ZNF451: variants seen among roughly 807,000 people sequenced by gnomAD.
ZNF451 encodes the protein E3 SUMO-protein ligase ZNF451.
In ZNF451, 80 loss-of-function variants were observed where a neutral mutation model predicts 107.1. The ratio of observed to expected loss-of-function variants is 0.75; its 90% CI spans 0.62 to 0.90. The LOEUF is 0.90. Among genes scored for constraint, ZNF451 ranks in the 40% least tolerant of loss-of-function variants. The pLI is 0.00. For synonymous variants in ZNF451, 362 were observed against 406.5 expected, an observed-to-expected ratio of 0.89 and a Z score of 1.32; for missense variants, 1,107 against 1,236.2, an observed-to-expected ratio of 0.90 and a Z score of 1.57.
intron 13 of ZNF451, among the ~76,000 whole-genome samples, chr6:57,157,208 G>A (rs1252698269): frequency 6.6e-6 from 1 of 152,090 alleles, no homozygotes; most frequent in Non-Finnish European, 1.5e-5. Flanking sequence ...ACCATCAGCA[G>A]GACTAAAAAG....
At chr6:57,109,415 A>G in intron 3 of ZNF451, 6 of 985,460 alleles carry the variant, frequency 6.1e-6, no homozygotes, top group Non-Finnish European at 7.2e-6. Context: ...AGCATTAGCA[A>G]GTCACTTGTT....
intron 12 of ZNF451, among the ~76,000 whole-genome samples, chr6:57,153,605 G>A (rs189954260): frequency 7.2e-5 from 11 of 151,904 alleles, no homozygotes; most frequent in African/African-American, 2.2e-4. Context: ...TAGAGACCGC[G>A]TTTCACCATG....
At chr6:57,150,921 G>A (rs771102501) in intron 11 of ZNF451, 59 bp downstream of exon 11, 2 of 1,591,056 alleles carry the variant, frequency 1.3e-6, no homozygotes, top group Admixed American at 3.5e-5. Flanking sequence ...ATATAGTTCA[G>A]TTTAAAAGGC....
At chr6:57,137,192 A>G (rs1831474074) in intron 7 of ZNF451, among the ~76,000 whole-genome samples, 1 of 152,208 alleles carries the variant, frequency 6.6e-6, no homozygotes, top group African/African-American at 2.4e-5. Context: ...GGGGGTTGTA[A>G]TTGCCTCTTT....
chr6:57,145,383 T>C (rs1360919598), intron 9 of ZNF451, among the ~76,000 whole-genome samples: 1 of 152,206 alleles, frequency 6.6e-6, no homozygotes, highest in Non-Finnish European at 1.5e-5. Context: ...ATCTGGGCTT[T>C]TAATGTCACT....
rs369633939 is a variant in ZNF451, at chr6:57,161,125, A to G, written c.3112A>G (p.Ile1038Val). The G allele has an allele frequency of 2.6e-6, 4 of 1,549,924 alleles. No homozygotes were observed. In the African/African-American group the frequency reaches 5.6e-5, roughly 22 times the overall value. ...TAACATGGGTGCCAAAAATACTTCA[A>G]TAGGAGAAGAATTTATATCCACAGA... ...DDNMGAKNTS[I>V]GEEFISTEDV... The change falls in exon 14 of 15, where the codon ATA becomes GTA. Residue 1038 changes from isoleucine to valine, a missense_variant. Around this residue, in one of 5 missense-constraint regions of ZNF451, gnomAD observed 151 missense variants for 173.3 expected, o/e 0.87. Transcript: ENST00000370706.
In ZNF451 at chr6:57,148,297, T is replaced by G; in HGVS notation, c.2212T>G (p.Tyr738Asp). The change falls in exon 10 of 15, where the codon TAT becomes GAT. Residue 738 changes from tyrosine (Y) to aspartate (D), a missense_variant. By Grantham distance (160) the Tyr-to-Asp change is radical. This residue lies in a region of ZNF451 where 608 missense variants were observed against 649.2 expected (regional missense o/e 0.94). Transcript: ENST00000370706. ...YICKVNRKED[Y>D]SRCLQIMLDK... is the part of the protein sequence containing the mutation. ...CTGTAAAGTCAACAGAAAAGAAGAT[T>G]ATAGCAGATGTCTCCAAATCATGCT... 1.2e-6 allele frequency: 2 copies of G among 1,614,006 alleles called. No homozygotes were observed. The highest frequency in any genetic ancestry group is 1.1e-5 in the South Asian group (1 of 91,062).
At chr6:57,104,707 C>T in intron 3 of ZNF451, 1 of 985,302 alleles carries the variant, frequency 1.0e-6, no homozygotes, top group Non-Finnish European at 1.2e-6. Flanking sequence ...CTCCTCCATT[C>T]TTAAATATTT....
chr6:57,155,892 TG>T (rs1335641042), intron 13 of ZNF451, among the ~76,000 whole-genome samples: 2 of 151,094 alleles, frequency 1.3e-5, no homozygotes, highest in Non-Finnish European at 2.9e-5. Flanking sequence ...GAGGCACATG[TG>T]TACTTTATTC....
chr6:57,161,351 C>T (rs1043753807), intron 14 of ZNF451, among the ~76,000 whole-genome samples, 199 bp downstream of exon 14: 2 of 152,124 alleles, frequency 1.3e-5, no homozygotes, highest in South Asian at 2.1e-4. Context: ...AATGGGTCAG[C>T]CAATTATGGC....
intron 14 of ZNF451, chr6:57,164,819 T>C (rs890971129): frequency 6.6e-6 from 1 of 152,184 alleles, no homozygotes; most frequent in Non-Finnish European, 1.5e-5. Context: ...TAAATGAAAT[T>C]AAGGCAGAAA....
intron 3 of ZNF451, chr6:57,100,494 T>G: frequency 1.6e-6 from 2 of 1,241,836 alleles, no homozygotes; most frequent in Non-Finnish European, 2.1e-6. Flanking sequence ...TATAATAATT[T>G]AAAAATTGAG....
intron 4 of ZNF451, among the ~76,000 whole-genome samples, chr6:57,126,910 T>G (rs1317177697): frequency 1.3e-5 from 2 of 152,222 alleles, no homozygotes; most frequent in African/African-American, 4.8e-5. Flanking sequence ...AAAAGATGTT[T>G]AATTTTAATT....
chr6:57,109,337 G>A (rs1830009815), intron 3 of ZNF451: 1 of 984,318 alleles, frequency 1.0e-6, no homozygotes, highest in Non-Finnish European at 1.2e-6. Flanking sequence ...TGAGGATATT[G>A]GTTTAATGGA....
chr6:57,137,661 G>T (rs1831500819), intron 7 of ZNF451, among the ~76,000 whole-genome samples: 1 of 152,058 alleles, frequency 6.6e-6, no homozygotes, highest in Non-Finnish European at 1.5e-5. Context: ...GAGCTCCTTT[G>T]TACCTCAGTG....
intron 5 of ZNF451, 127 bp from the exon 6 acceptor site, chr6:57,132,915 A>G (rs1831251988): frequency 3.2e-6 from 3 of 939,908 alleles, no homozygotes; most frequent in Non-Finnish European, 4.7e-6. Flanking sequence ...GTTTTAAACA[A>G]TTATAATTAG....
intron 14 of ZNF451, among the ~76,000 whole-genome samples, chr6:57,167,863 G>A (rs1486237241): frequency 6.6e-6 from 1 of 152,194 alleles, no homozygotes; most frequent in African/African-American, 2.4e-5. Flanking sequence ...TTTGTCAAAT[G>A]AGTTTACATA....
In ZNF451 at chr6:57,148,461, C is replaced by T. The variant is rs772651473; in HGVS notation, c.2376C>T (p.Gly792=). 3.7e-6 allele frequency: 6 copies of T among 1,613,854 alleles called. No homozygotes were observed. The highest frequency in any genetic ancestry group is 5.1e-6 in the Non-Finnish European group (6 of 1,179,934). The part of the protein sequence containing the change: ...EEEQQYVIKC[G]TCTKAFHDPE... The stretch of plus-strand genomic sequence containing the variant: ...AGCAGCAGTATGTAATCAAGTGTGG[C>T]ACCTGCACCAAAGCATTTCATGATC... Residue 792 remains glycine, a synonymous_variant, in exon 10 of 15, where the codon GGC becomes GGT. Coordinates refer to ENST00000370706, the MANE Select transcript of ZNF451 (RefSeq NM_001031623.3).
chr6:57,148,274 G>GT lies in ZNF451; in HGVS notation c.2190dup (p.Lys731Ter). On this transcript the variant is annotated frameshift_variant, in exon 10 of 15. Coordinates refer to ENST00000370706, the MANE Select transcript of ZNF451 (RefSeq NM_001031623.3). LOFTEE classifies it high-confidence loss of function. ...TGTGGTTGCCGTGAGAGTTACATCT[G>GT]TAAAGTCAACAGAAAAGAAGATTAT... The GT allele has an allele frequency of 6.2e-7, 1 of 1,613,968 alleles. No homozygotes were observed.
Sources: gnomAD v4.1 joint callset for allele counts (sites outside exome capture counted in the v4.1 genomes callset) on GRCh38, gnomAD v4.1.1 for gene constraint, gnomAD v4.1.1 regional missense constraint, MANE v1.5 for transcripts, NCBI Gene and HGNC (gene_info 2026-07-23, HGNC 2026-07-21) for gene names.